The following FUT8 variants were observed in gnomAD, a reference collection of about 807,000 sequenced individuals.
FUT8 encodes fucosyltransferase 8, also known as alpha-(1,6)-fucosyltransferase.
In FUT8, 29 loss-of-function variants were observed where a neutral mutation model predicts 71.3. The ratio of observed to expected loss-of-function variants is 0.41; its 90% confidence interval spans 0.30 to 0.55. The LOEUF is 0.55. Ranked by LOEUF, FUT8 falls within the 20% of genes least tolerant of loss-of-function variation. The probability of loss-of-function intolerance (pLI) is 0.34; values close to 1 mark genes in which losing one functional copy is unlikely to be tolerated. For missense variants in FUT8, 544 were observed against 702.1 expected (o/e 0.77, Z 2.55); for synonymous variants, 254 against 239.3 (o/e 1.06, Z -0.57).
chr14:65,654,895 G>T (rs73268558), intron 6 of FUT8, among the ~76,000 whole-genome samples: 14,042 of 151,216 alleles, frequency 0.093, 810 homozygotes, highest in Admixed American at 0.14. Context: ...GCAGAATGGT[G>T]TTTTTTTGTT....
rs78719896 is a variant in FUT8, at chr14:65,650,721, A to C, written c.598-18522A>C. ...CCTGCTAATTACAAAAAAAAAAAAA[A>C]AAAAAAAACAAAAAAAACCACAAAC... On this transcript the variant is annotated intron_variant, in intron 6 of 10. Coordinates refer to ENST00000673929, the MANE Select transcript of FUT8 (RefSeq NM_001371533.1). Among the ~76,000 whole-genome samples, 795 of 136,768 alleles carry C rather than the reference A, an allele frequency of 5.8e-3. 10 individuals carry two copies. Among genetic ancestry groups the C allele is most frequent in the African/African-American group, 0.019 (732 of 39,318 alleles). The allele number at this position is 136,768 out of a possible 152,430, so 89.7% of individuals were successfully genotyped here. A position where few individuals can be genotyped will look rare whatever the true frequency, so the allele number is the denominator to read the frequency against.
rs1237747409 is a variant in FUT8 at position 65,742,531 on chromosome 14, A to G, written c.*121A>G. 2.8e-5 allele frequency: 22 copies of G among 782,398 alleles called. No homozygotes were observed. The highest frequency in any genetic ancestry group is 4.2e-5 in the Non-Finnish European group (21 of 498,554). The allele number at this position is 782,398 out of a possible 1,614,324, so 48.5% of individuals were successfully genotyped here. On this transcript the variant is annotated 3_prime_UTR_variant, in exon 11 of 11. Coordinates refer to ENST00000673929, the MANE Select transcript of FUT8 (RefSeq NM_001371533.1). Reference sequence around the variant, plus strand: ...ACAAAATAAGGTTATATGAGTAGATACTCTCAGCACCAAGAGCAGCTGGGA... The same window carrying G: ...ACAAAATAAGGTTATATGAGTAGATGCTCTCAGCACCAAGAGCAGCTGGGA...
the FUT8 span, among the ~76,000 whole-genome samples, chr14:65,358,980 A>G: frequency 6.6e-6 from 1 of 152,206 alleles, no homozygotes; most frequent in Non-Finnish European, 1.5e-5. Flanking sequence ...CCACATCTAC[A>G]ATAACTAATA....
chr14:65,663,715 G>T (rs1368012657), intron 6 of FUT8, among the ~76,000 whole-genome samples: 1 of 152,002 alleles, frequency 6.6e-6, no homozygotes, highest in East Asian at 1.9e-4. Flanking sequence ...AAACAGAAAA[G>T]AATTAATATA....
intron 3 of FUT8, among the ~76,000 whole-genome samples, chr14:65,613,554 G>T (rs912108515): frequency 3.9e-5 from 6 of 152,134 alleles, no homozygotes; most frequent in Non-Finnish European, 8.8e-5. Context: ...ACAAATGAAG[G>T]CTTTTTCATT....
intron 5 of FUT8, among the ~76,000 whole-genome samples, chr14:65,618,896 C>T (rs1294332732): frequency 1.3e-5 from 2 of 152,074 alleles, no homozygotes; most frequent in Non-Finnish European, 2.9e-5. Flanking sequence ...GTTTTGCAGC[C>T]TTCTACCTGG....
At chr14:65,381,156 T>G in the FUT8 span, among the ~76,000 whole-genome samples, 2 of 152,234 alleles carry the variant, frequency 1.3e-5, no homozygotes, top group African/African-American at 2.4e-5. Flanking sequence ...CTTGGACCAT[T>G]TAACACTATC....
At chr14:65,726,036 G>A (rs61987779) in intron 9 of FUT8, among the ~76,000 whole-genome samples, 9,261 of 152,108 alleles carry the variant, frequency 0.061, 333 homozygotes, top group Admixed American at 0.11. Context: ...ACACTGAGAT[G>A]TGTATATATA....
At chr14:65,712,355 T>C (rs1361753119) in intron 7 of FUT8, among the ~76,000 whole-genome samples, 1 of 152,244 alleles carries the variant, frequency 6.6e-6, no homozygotes, top group African/African-American at 2.4e-5. Context: ...AATTAGCATC[T>C]AGTCTCTGAA....
chr14:65,462,230 C>T (rs1279384563), intron 2 of FUT8, among the ~76,000 whole-genome samples: 2 of 152,130 alleles, frequency 1.3e-5, no homozygotes, highest in Non-Finnish European at 2.9e-5. Context: ...GTGAATGTAG[C>T]TTGCGTAAAT....
At chr14:65,394,003 C>T in the FUT8 span, among the ~76,000 whole-genome samples, 2 of 152,160 alleles carry the variant, frequency 1.3e-5, no homozygotes, top group African/African-American at 2.4e-5. Flanking sequence ...GTTGTCCAGG[C>T]TGAAGTGCAA....
At chr14:65,602,361 A>T (rs1351028520) in intron 3 of FUT8, among the ~76,000 whole-genome samples, 1 of 124,642 alleles carries the variant, frequency 8.0e-6, no homozygotes. Context: ...ACACACACAC[A>T]CACACACACA....
chr14:65,666,827 C>T (rs184689875), intron 6 of FUT8, among the ~76,000 whole-genome samples: 11 of 152,160 alleles, frequency 7.2e-5, no homozygotes, highest in East Asian at 1.9e-4. Context: ...TAATTCACCG[C>T]GATCAAATAG....
At chr14:65,695,875 A>AT (rs899028109) in intron 7 of FUT8, among the ~76,000 whole-genome samples, 16 of 151,782 alleles carry the variant, frequency 1.1e-4, no homozygotes, top group African/African-American at 3.9e-4. Context: ...TAATGATTCC[A>AT]TTTTTTATTA....
intron 7 of FUT8, among the ~76,000 whole-genome samples, chr14:65,713,273 T>C (rs572906524): frequency 1.8e-4 from 27 of 152,356 alleles, no homozygotes; most frequent in Admixed American, 1.1e-3. Context: ...CTACATTGTG[T>C]ATATTTACCA....
At chr14:65,414,565 T>G (rs554133058) in intron 1 of FUT8, among the ~76,000 whole-genome samples, 2 of 152,316 alleles carry the variant, frequency 1.3e-5, no homozygotes, top group East Asian at 3.9e-4. Flanking sequence ...AAATCTTAAT[T>G]ACTTGATTTG....
At chr14:65,528,957 G>GAC (rs1236251632) in intron 2 of FUT8, 1 of 153,910 alleles carries the variant, frequency 6.5e-6, no homozygotes, top group Non-Finnish European at 1.5e-5. Flanking sequence ...TATGCCTTTA[G>GAC]ACTTCTAGCT....
At chr14:65,689,788 C>T (rs183593936) in intron 7 of FUT8, among the ~76,000 whole-genome samples, 53 of 152,348 alleles carry the variant, frequency 3.5e-4, no homozygotes, top group Middle Eastern at 3.4e-3. Flanking sequence ...CCGCCCACCT[C>T]GGCCTCCCGA....
chr14:65,552,773 A>G (rs1232632645), intron 2 of FUT8, among the ~76,000 whole-genome samples: 2 of 152,074 alleles, frequency 1.3e-5, no homozygotes, highest in East Asian at 1.9e-4. Context: ...ATTCCATTTT[A>G]TCTTCACCAC....
Sources: allele counts gnomAD v4.1 joint callset (sites outside exome capture counted in the v4.1 genomes callset), GRCh38; gene constraint gnomAD v4.1.1; transcripts MANE v1.5; gene names NCBI Gene and HGNC (gene_info 2026-07-23, HGNC 2026-07-21).